The following PLA2R1 variants were observed in gnomAD, a reference collection of about 807,000 sequenced individuals.
PLA2R1 encodes secretory phospholipase A2 receptor.
Under a neutral mutation model 195.9 loss-of-function variants are expected in PLA2R1, and 158 were observed. The ratio of observed to expected loss-of-function variants is 0.81; its 90% CI spans 0.71 to 0.92. PLA2R1 has a LOEUF of 0.92. Among genes scored for constraint, PLA2R1 ranks in the 40% least tolerant of loss-of-function variants. PLA2R1 has a pLI of 0.00. For synonymous variants in PLA2R1, 586 were observed against 598.2 expected, an observed-to-expected ratio of 0.98 and a Z score of 0.30; for missense variants, 1,626 against 1,764.6, an observed-to-expected ratio of 0.92 and a Z score of 1.41.
chr2:160,007,619 T>C (rs1487640859), intron 10 of PLA2R1, among the ~76,000 whole-genome samples: 1 of 152,108 alleles, frequency 6.6e-6, no homozygotes, highest in African/African-American at 2.4e-5. Flanking sequence ...CCACTTACAA[T>C]AGTGCCCCCA....
chr2:159,967,758 A>G, intron 19 of PLA2R1, 80 bp from the exon 20 acceptor site: 1 of 1,177,932 alleles, frequency 8.5e-7, no homozygotes, highest in Non-Finnish European at 1.2e-6. Context: ...CACTATTTTT[A>G]TGAGGCTATG....
At chr2:160,051,521 G>A (rs1695211881) in intron 1 of PLA2R1, among the ~76,000 whole-genome samples, 1 of 152,234 alleles carries the variant, frequency 6.6e-6, no homozygotes, top group South Asian at 2.1e-4. Flanking sequence ...CAATCTGGAG[G>A]TGAGCAGCTT....
intron 11 of PLA2R1, among the ~76,000 whole-genome samples, chr2:159,991,875 T>C (rs1252990705): frequency 3.4e-5 from 3 of 88,272 alleles, no homozygotes; most frequent in African/African-American, 1.3e-4. Context: ...GTTGGACATT[T>C]GGGTTGGTTC....
At chr2:160,053,352 G>T (rs1016599253) in intron 1 of PLA2R1, among the ~76,000 whole-genome samples, 7 of 150,662 alleles carry the variant, frequency 4.6e-5, no homozygotes, top group South Asian at 2.2e-4. Context: ...ATTTGGTGGG[G>T]GGGGGGGGAA....
rs1245490774 is a variant in PLA2R1 at position 159,940,525 on chromosome 2, C to T, written c.*1253G>A. The T allele has an allele frequency of 1.3e-5, 2 of 152,198 alleles. No individual in the cohort carries two copies. Among genetic ancestry groups the T allele is most frequent in the Non-Finnish European group, 2.9e-5 (2 of 68,058 alleles). The allele number at this position is 152,198 out of a possible 1,614,324, so 9.4% of individuals were successfully genotyped here. On this transcript the variant is annotated 3_prime_UTR_variant, in exon 30 of 30. Transcript: ENST00000283243. ...CCTCTTCCCTCAGCCTCCTAAGTAG[C>T]TGGGACTACAGGTGCGTGCCACCAT... is the stretch of plus-strand genomic sequence containing the variant.
rs1686805948 is a variant in PLA2R1, at chr2:159,935,953, T to TTTTTTTTTTTTTTTTTG, written c.*5808_*5824dup. 1 of 68,080 alleles carries TTTTTTTTTTTTTTTTTG rather than the reference T, an allele frequency of 1.5e-5. No homozygotes were observed. Among genetic ancestry groups the TTTTTTTTTTTTTTTTTG allele is most frequent in the Non-Finnish European group, 3.0e-5 (1 of 33,760 alleles). The allele number at this position is 68,080 out of a possible 1,614,324, so 4.2% of individuals were successfully genotyped here. ...AATATGTATATAAATTAATTTTTTT[T>TTTTTTTTTTTTTTTTTG]TTTTTTTTTTTTTTTTGAGAGAGAG... is the stretch of plus-strand genomic sequence containing the variant. On this transcript the variant is annotated 3_prime_UTR_variant, in exon 30 of 30. Coordinates refer to ENST00000283243, the MANE Select transcript of PLA2R1 (RefSeq NM_007366.5).
chr2:160,000,359 G>A (rs560416320), intron 11 of PLA2R1, among the ~76,000 whole-genome samples: 5 of 152,278 alleles, frequency 3.3e-5, no homozygotes, highest in East Asian at 1.9e-4. Flanking sequence ...CAGGTTAGTC[G>A]TTAGTCATCG....
At chr2:160,034,894 AT>A (rs1694081111) in intron 3 of PLA2R1, among the ~76,000 whole-genome samples, 1 of 152,026 alleles carries the variant, frequency 6.6e-6, no homozygotes, top group Non-Finnish European at 1.5e-5. Context: ...CATGGTGAAA[AT>A]TTTTTTAGTG....
intron 10 of PLA2R1, among the ~76,000 whole-genome samples, chr2:160,012,418 C>A (rs1438732167): frequency 6.6e-6 from 1 of 152,112 alleles, no homozygotes; most frequent in African/African-American, 2.4e-5. Context: ...TACCATGGGG[C>A]AGATTGTATG....
At chr2:160,039,669 T>C (rs912399502) in intron 3 of PLA2R1, among the ~76,000 whole-genome samples, 1 of 152,126 alleles carries the variant, frequency 6.6e-6, no homozygotes, top group African/African-American at 2.4e-5. Flanking sequence ...TTTTGAGTTA[T>C]ATTGGCTACC....
At chr2:159,949,524 T>A (rs1687592611) in intron 25 of PLA2R1, 84 bp downstream of exon 25, 2 of 955,568 alleles carry the variant, frequency 2.1e-6, no homozygotes, top group Non-Finnish European at 3.2e-6. Context: ...ACTATACTCA[T>A]CCTCATATCC....
intron 17 of PLA2R1, among the ~76,000 whole-genome samples, chr2:159,973,305 T>C (rs1037780405): frequency 1.3e-5 from 2 of 151,946 alleles, no homozygotes; most frequent in African/African-American, 4.8e-5. Context: ...GAAATAAGAA[T>C]TTTTTGGAAA....
At position 159,961,733 on chromosome 2, in the gene PLA2R1, CATAG is replaced by C. The variant is rs992157364; in HGVS notation, c.2905-5110_2905-5107del. 5.9e-5 allele frequency among the ~76,000 whole-genome samples: 9 copies of C among 152,140 alleles called. 1 individual carries two copies. Among genetic ancestry groups the C allele is most frequent in the Admixed American group, 4.6e-4 (7 of 15,252 alleles). On this transcript the variant is annotated intron_variant, in intron 20 of 29. Coordinates refer to ENST00000283243, the MANE Select transcript of PLA2R1 (RefSeq NM_007366.5). ...GCTCCACCATCACTGCCACCATTCC[CATAG>C]ATACACACTCTCTACGTGTGTACAG...
At chr2:159,994,948 T>C (rs1022591915) in intron 11 of PLA2R1, among the ~76,000 whole-genome samples, 1 of 151,966 alleles carries the variant, frequency 6.6e-6, no homozygotes, top group African/African-American at 2.4e-5. Context: ...GTGTGGGATG[T>C]GGGGTGGGTG....
At chr2:159,955,559 T>C in intron 22 of PLA2R1, 139 bp downstream of exon 22, 2 of 389,856 alleles carry the variant, frequency 5.1e-6, no homozygotes, top group Non-Finnish European at 8.7e-6. Context: ...TAAAATTACA[T>C]TAAAAATTAA....
At chr2:160,030,608 A>G (rs538114951) in intron 4 of PLA2R1, among the ~76,000 whole-genome samples, 2 of 152,348 alleles carry the variant, frequency 1.3e-5, no homozygotes, top group Non-Finnish European at 2.9e-5. Flanking sequence ...ACAAAAAACC[A>G]TCTATTTACC....
At chr2:159,971,825 A>T (rs950906022) in intron 17 of PLA2R1, among the ~76,000 whole-genome samples, 1 of 152,208 alleles carries the variant, frequency 6.6e-6, no homozygotes, top group Non-Finnish European at 1.5e-5. Context: ...AATCTAATTT[A>T]TAAACAGGTA....
At chr2:159,930,128 G>C (rs1686551612), downstream of PLA2R1, among the ~76,000 whole-genome samples, 1 of 152,120 alleles carries the variant, frequency 6.6e-6, no homozygotes. Flanking sequence ...CACATTGGTG[G>C]CCAGGCGCGG....
intron 11 of PLA2R1, among the ~76,000 whole-genome samples, chr2:160,001,954 T>C (rs1691626586): frequency 6.6e-6 from 1 of 151,030 alleles, no homozygotes; most frequent in East Asian, 1.9e-4. Flanking sequence ...ACATTTAACA[T>C]AATCTGTTGA....
Sources: allele counts gnomAD v4.1 joint callset (sites outside exome capture counted in the v4.1 genomes callset), GRCh38; gene constraint gnomAD v4.1.1; transcripts MANE v1.5; gene names NCBI Gene and HGNC (gene_info 2026-07-23, HGNC 2026-07-21).